BHMT: variants seen among roughly 807,000 people sequenced by gnomAD.
BHMT encodes betaine--homocysteine S-methyltransferase.
A neutral mutation model predicts 49.5 loss-of-function variants in BHMT; 38 were observed. That is an observed-to-expected ratio of 0.77 (90% CI 0.59 to 1.01). The LOEUF is 1.01. Among genes scored for constraint, BHMT ranks in the 50% least tolerant of loss-of-function variants. The pLI, the probability that BHMT is intolerant of heterozygous loss-of-function variation, is 0.00. For synonymous variants in BHMT, 166 were observed against 176.3 expected (o/e 0.94, Z 0.46); for missense variants, 426 against 495.7 (o/e 0.86, Z 1.34).
chr5:79,127,675 T>C, intron 6 of BHMT, 80 bp from the exon 7 acceptor site: 1 of 1,481,820 alleles, frequency 6.7e-7, no homozygotes, highest in Non-Finnish European at 9.1e-7. Context: ...TTATTGAAAA[T>C]TACATACTTG....
At chr5:79,130,068 A>G (rs1420628864) in intron 7 of BHMT, among the ~76,000 whole-genome samples, 1 of 152,128 alleles carries the variant, frequency 6.6e-6, no homozygotes, top group African/African-American at 2.4e-5. Context: ...CAGCTACTCA[A>G]AAGGCTGAGG....
chr5:79,126,518 G>A (rs1209640308), intron 6 of BHMT, among the ~76,000 whole-genome samples: 4 of 152,146 alleles, frequency 2.6e-5, no homozygotes, highest in South Asian at 2.1e-4. Context: ...GGGTTGGTGA[G>A]GATGCCCTTC....
rs1580275255 is a variant in BHMT at position 79,128,104 on chromosome 5, C to T, written c.1037+121C>T. The T allele has an allele frequency of 4.1e-6, 5 of 1,213,712 alleles. No homozygotes were observed. In the East Asian group the frequency reaches 1.3e-4, roughly 31 times the overall value. The allele number at this position is 1,213,712 out of a possible 1,614,324, so 75.2% of individuals were successfully genotyped here. ...GAAGAATCAGTCATCCCCAAATTCT[C>T]TCCCAGAGATGTTTACAAAGCATCC... On this transcript the variant is annotated intron_variant, in intron 7 of 7. Coordinates refer to ENST00000274353, the MANE Select transcript of BHMT (RefSeq NM_001713.3).
Position 79,121,297 on chromosome 5 carries a change from G to C in BHMT, c.557G>C (p.Cys186Ser), listed in dbSNP as rs1195917528. 1.9e-6 allele frequency: 3 copies of C among 1,614,216 alleles called. No homozygotes were observed. The highest frequency in any genetic ancestry group is 2.2e-5 in the South Asian group (2 of 91,082). Residue 186 changes from cysteine to serine, a missense_variant, in exon 5 of 8, where the codon TGC becomes TCC. By Grantham distance (112) the Cys-to-Ser change is moderately radical. Coordinates refer to ENST00000274353, the MANE Select transcript of BHMT (RefSeq NM_001713.3). ...GGTAAACCTGTGGCAGCAACCATGT[G>C]CATTGGCCCAGAAGGAGATTTGCAT... ...ASGKPVAATM[C>S]IGPEGDLHGV... is the part of the protein sequence containing the mutation.
In BHMT at chr5:79,120,550, A is replaced by G; in HGVS notation, c.477+9A>G. 1 of 1,602,318 alleles carries G rather than the reference A, an allele frequency of 6.2e-7. No individual in the cohort carries two copies. The highest frequency in any genetic ancestry group is 8.5e-7 in the Non-Finnish European group (1 of 1,175,670). ...ACTTCTTGATTGCAGAGGTAAAGAA[A>G]GATGTGGTGAAAGATAAGACAAATA... On this transcript the variant is annotated intron_variant, in intron 4 of 7. Coordinates refer to ENST00000274353, the MANE Select transcript of BHMT (RefSeq NM_001713.3).
intron 1 of BHMT, among the ~76,000 whole-genome samples, chr5:79,114,650 C>T (rs539853598): frequency 6.6e-6 from 1 of 152,118 alleles, no homozygotes; most frequent in Admixed American, 6.5e-5. Flanking sequence ...TCAGGGCTGT[C>T]CCACCACCCC....
chr5:79,128,512 A>G (rs1756588588), intron 7 of BHMT, among the ~76,000 whole-genome samples: 1 of 142,696 alleles, frequency 7.0e-6, no homozygotes, highest in African/African-American at 2.5e-5. Flanking sequence ...TTTGGGCAAC[A>G]GAGTGAGACC....
At chr5:79,121,467 A>ATTAATGGTTTTTATGTT in intron 5 of BHMT, 102 bp downstream of exon 5, 1 of 1,386,194 alleles carries the variant, frequency 7.2e-7, no homozygotes, top group Non-Finnish European at 9.7e-7. Flanking sequence ...GTTAACATAA[A>ATTAATGGTTTTTATGTT]AACCATTAAT....
chr5:79,120,644 A>G, intron 4 of BHMT, 103 bp downstream of exon 4: 1 of 1,045,586 alleles, frequency 9.6e-7, no homozygotes, highest in Non-Finnish European at 1.3e-6. Context: ...AATCATAACT[A>G]GCAATAGTAA....
intron 5 of BHMT, 115 bp from the exon 6 acceptor site, chr5:79,125,931 A>AGAT: frequency 9.4e-7 from 1 of 1,064,976 alleles, no homozygotes; most frequent in Non-Finnish European, 1.4e-6. Flanking sequence ...CAACAGAGTG[A>AGAT]GATTGTGTCT....
intron 1 of BHMT, among the ~76,000 whole-genome samples, chr5:79,114,579 G>A (rs1756355849): frequency 6.6e-6 from 1 of 152,174 alleles, no homozygotes; most frequent in East Asian, 1.9e-4. Context: ...GTTATTGGTA[G>A]TAAGTGGAAC....
At chr5:79,112,912 C>T (rs1056075705) in intron 1 of BHMT, among the ~76,000 whole-genome samples, 14 of 152,120 alleles carry the variant, frequency 9.2e-5, no homozygotes, top group African/African-American at 3.4e-4. Context: ...GGTCAAATGC[C>T]CAGTCCCAGG....
At chr5:79,116,053 A>G (rs535880396) in intron 2 of BHMT, 154 bp downstream of exon 2, 10 of 985,788 alleles carry the variant, frequency 1.0e-5, no homozygotes, top group African/African-American at 1.7e-5. Context: ...CTAGTCTCTC[A>G]GAAGTTTTTT....
At chr5:79,130,526 G>C (rs1756619568) in intron 7 of BHMT, among the ~76,000 whole-genome samples, 1 of 151,774 alleles carries the variant, frequency 6.6e-6, no homozygotes, top group Admixed American at 6.6e-5. Flanking sequence ...ATCATGGATG[G>C]AGACAAAGCC....
Position 79,126,194 on chromosome 5 carries a change from G to T in BHMT, c.774G>T (p.Lys258Asn), listed in dbSNP as rs1326277345. Residue 258 changes from lysine to asparagine, a missense_variant, in exon 6 of 8, where the codon AAG becomes AAT. By Grantham distance (94) the Lys-to-Asn change is moderately conservative. Coordinates refer to ENST00000274353, the MANE Select transcript of BHMT (RefSeq NM_001713.3). ...CTTACCACACTCCTGACTGCAACAA[G>T]CAGGGATTCATCGATCTCCCAGAAT... is the stretch of plus-strand genomic sequence containing the variant. ...PLAYHTPDCN[K>N]QGFIDLPEFP... 2 of 1,613,780 alleles carry T rather than the reference G, an allele frequency of 1.2e-6. No individual in the cohort carries two copies. The highest frequency in any genetic ancestry group is 1.7e-5 in the Admixed American group (1 of 59,944).
At position 79,121,350 on chromosome 5, in the gene BHMT, C is replaced by A; in HGVS notation, c.610C>A (p.Arg204Ser). ...HGVPPGECAV[R>S]LVKAGASIIG... Reference sequence around the variant, plus strand: ...CGTGCCCCCCGGCGAGTGTGCAGTGCGCCTGGTGAAAGCAGGTGATGATAG... The same window carrying A: ...CGTGCCCCCCGGCGAGTGTGCAGTGAGCCTGGTGAAAGCAGGTGATGATAG... The change falls in exon 5 of 8, where the codon CGC (arginine) becomes AGC (serine). Residue 204 changes from arginine to serine, a missense_variant. Coordinates refer to ENST00000274353, the MANE Select transcript of BHMT (RefSeq NM_001713.3). 1 of 1,614,070 alleles carries A rather than the reference C, an allele frequency of 6.2e-7. No individual in the cohort carries two copies. Among genetic ancestry groups the A allele is most frequent in the Admixed American group, 1.7e-5 (1 of 60,014 alleles).
chr5:79,119,417 T>G, intron 3 of BHMT, 40 bp downstream of exon 3: 1 of 1,505,592 alleles, frequency 6.6e-7, no homozygotes, highest in Non-Finnish European at 9.2e-7. Context: ...AAGGATATTG[T>G]CGACCTATTG....
chr5:79,123,809 C>G (rs1034664321), intron 5 of BHMT, among the ~76,000 whole-genome samples: 2 of 152,126 alleles, frequency 1.3e-5, no homozygotes, highest in Non-Finnish European at 2.9e-5. Flanking sequence ...GCCTCAGCCT[C>G]GCAAAGTGCT....
rs776026737 is a variant in BHMT at position 79,131,057 on chromosome 5, G to C, written c.1162G>C (p.Ala388Pro). 6.2e-7 allele frequency: 1 copy of C among 1,613,884 alleles called. No homozygotes were observed. The highest frequency in any genetic ancestry group is 8.5e-7 in the Non-Finnish European group (1 of 1,179,944). Residue 388 changes from alanine (A) to proline (P), a missense_variant, in exon 8 of 8, where the codon GCC becomes CCC. Ala to Pro is a conservative substitution (Grantham distance 27). Around this residue, in one of 3 missense-constraint regions of BHMT, gnomAD observed 73 missense variants for 68.3 expected, o/e 1.07. Coordinates refer to ENST00000274353, the MANE Select transcript of BHMT (RefSeq NM_001713.3). ...GTAELMQQKEATTEQQLKELF... is the reference protein window; with the variant it reads ...GTAELMQQKEPTTEQQLKELF... ...AGCCGAGCTGATGCAGCAGAAAGAA[G>C]CCACAACTGAGCAGCAGCTGAAAGA...
Sources: gnomAD v4.1 joint callset for allele counts (sites outside exome capture counted in the v4.1 genomes callset) on GRCh38, gnomAD v4.1.1 for gene constraint, gnomAD v4.1.1 regional missense constraint, MANE v1.5 for transcripts, NCBI Gene and HGNC (gene_info 2026-07-23, HGNC 2026-07-21) for gene names.